The following CCDC152 variants were observed in gnomAD, a reference collection of about 807,000 sequenced individuals.
CCDC152 encodes coiled-coil domain-containing protein 152.
A neutral mutation model predicts 38.1 loss-of-function variants in CCDC152; 37 were observed. The observed-to-expected ratio is 0.97, with a 90% CI of 0.75 to 1.28. The LOEUF (loss-of-function observed/expected upper bound fraction) is 1.28, where lower values mean the gene tolerates loss of function less well. Ranked by LOEUF, CCDC152 falls within the 50% of genes most tolerant of loss-of-function variation. The probability of loss-of-function intolerance (pLI) is 0.00; values close to 1 mark genes in which losing one functional copy is unlikely to be tolerated. For synonymous variants in CCDC152, 83 were observed against 87.1 expected, an observed-to-expected ratio of 0.95 and a Z score of 0.26; for missense variants, 259 against 292.1, an observed-to-expected ratio of 0.89 and a Z score of 0.83.
intron 6 of CCDC152, among the ~76,000 whole-genome samples, chr5:42,796,525 C>T (rs1760077806): frequency 6.6e-6 from 1 of 152,158 alleles, no homozygotes; most frequent in Non-Finnish European, 1.5e-5. Context: ...TACCTAGAAA[C>T]TCAGGCTTTG....
At chr5:42,784,220 T>G (rs1271263224) in intron 6 of CCDC152, among the ~76,000 whole-genome samples, 1 of 152,152 alleles carries the variant, frequency 6.6e-6, no homozygotes, top group Non-Finnish European at 1.5e-5. Flanking sequence ...CAGTGCATTA[T>G]TGTTCCCTTT....
At chr5:42,781,884 C>T (rs1759851861) in intron 5 of CCDC152, among the ~76,000 whole-genome samples, 1 of 152,130 alleles carries the variant, frequency 6.6e-6, no homozygotes, top group South Asian at 2.1e-4. Flanking sequence ...TTCCTGCTTT[C>T]CTTTTCTCTT....
At chr5:42,772,021 A>G (rs1398341866) in intron 4 of CCDC152, among the ~76,000 whole-genome samples, 1 of 152,208 alleles carries the variant, frequency 6.6e-6, no homozygotes, top group Non-Finnish European at 1.5e-5. Context: ...ATAAAATACT[A>G]TCAAATAAAA....
chr5:42,793,744 G>A (rs2111595029), intron 6 of CCDC152, among the ~76,000 whole-genome samples: 1 of 152,214 alleles, frequency 6.6e-6, no homozygotes, highest in East Asian at 1.9e-4. Context: ...GAGTAGCTGG[G>A]CCCACAGGCA....
chr5:42,773,825 A>G (rs144980451), intron 4 of CCDC152, among the ~76,000 whole-genome samples: 85 of 152,336 alleles, frequency 5.6e-4, no homozygotes, highest in Non-Finnish European at 1.0e-3. Flanking sequence ...GATTTTGGAA[A>G]ATTAATTTAT....
Position 42,800,923 on chromosome 5 carries a change from C to T in CCDC152, c.*1142C>T. 1 of 1,614,226 alleles carries T rather than the reference C, an allele frequency of 6.2e-7. No homozygotes were observed. The highest frequency in any genetic ancestry group is 1.1e-5 in the South Asian group (1 of 91,090). ...TTTTCTTTACACTGTCAGGTGATTG[C>T]AGACCCTGTTTTTTCAAATATCAGA... On this transcript the variant is annotated 3_prime_UTR_variant, in exon 9 of 9. Coordinates refer to ENST00000361970, the MANE Select transcript of CCDC152 (RefSeq NM_001134848.2).
rs1224410479 is a variant in CCDC152 at position 42,759,190 on chromosome 5, C to T, written c.69C>T (p.Asp23=). ...TGAATCTTGACAAACTTATAAATGACTTCTCACAGATAGAAAAGGTATGTA... is the reference window on the plus strand; with the variant it reads ...TGAATCTTGACAAACTTATAAATGATTTCTCACAGATAGAAAAGGTATGTA... The part of the protein sequence containing the change: ...SSVNLDKLIN[D]FSQIEKKMVE... Residue 23 remains aspartate, a synonymous_variant, in exon 2 of 9, where the codon GAC becomes GAT. Transcript: ENST00000361970. The T allele has an allele frequency of 2.6e-6, 4 of 1,546,734 alleles. No homozygotes were observed. Among genetic ancestry groups the T allele is most frequent in the Non-Finnish European group, 3.5e-6 (4 of 1,142,974 alleles).
chr5:42,772,318 A>G (rs1323843709), intron 4 of CCDC152, among the ~76,000 whole-genome samples: 1 of 152,238 alleles, frequency 6.6e-6, no homozygotes, highest in East Asian at 1.9e-4. Flanking sequence ...GCCATAGATG[A>G]AAAGCTCACA....
In CCDC152 at chr5:42,800,077, C is replaced by G; in HGVS notation, c.*296C>G. 3.9e-6 allele frequency: 1 copy of G among 254,096 alleles called. No individual in the cohort carries two copies. The highest frequency in any genetic ancestry group is 7.4e-6 in the Non-Finnish European group (1 of 135,258). 15.7% of individuals were successfully genotyped at this position (254,096 alleles called of 1,614,324 possible). A position where few individuals can be genotyped will look rare whatever the true frequency, so the allele number is the denominator to read the frequency against. ...GACAATATTATCTTTCCCCTTATATCTTTTAAGACAGCCACTCAAGTTTTA... is the reference window on the plus strand; with the variant it reads ...GACAATATTATCTTTCCCCTTATATGTTTTAAGACAGCCACTCAAGTTTTA... On this transcript the variant is annotated 3_prime_UTR_variant, in exon 9 of 9. Transcript: ENST00000361970.
In CCDC152 at chr5:42,801,406, G is replaced by T; in HGVS notation, c.*1625G>T. ...TAATGCGTGAAAAATGATTTGTAGA[G>T]CTAACATGTGAAATTCCAACTAGTT... On this transcript the variant is annotated 3_prime_UTR_variant, in exon 9 of 9. Coordinates refer to ENST00000361970, the MANE Select transcript of CCDC152 (RefSeq NM_001134848.2). 8.8e-7 allele frequency: 1 copy of T among 1,133,098 alleles called. No individual in the cohort carries two copies. The highest frequency in any genetic ancestry group is 1.3e-6 in the Non-Finnish European group (1 of 799,408). The allele number at this position is 1,133,098 out of a possible 1,614,324, so 70.2% of individuals were successfully genotyped here.
chr5:42,762,409 T>C (rs1759564422), intron 2 of CCDC152, 34 bp from the exon 3 acceptor site: 9 of 1,124,504 alleles, frequency 8.0e-6, no homozygotes, highest in Non-Finnish European at 1.2e-5. Context: ...GCAGCATTGA[T>C]TTGTTAATAA....
chr5:42,773,421 G>A (rs748588212), intron 4 of CCDC152, among the ~76,000 whole-genome samples: 2 of 152,012 alleles, frequency 1.3e-5, no homozygotes, highest in Non-Finnish European at 2.9e-5. Flanking sequence ...CTATCTATAA[G>A]TTAATTATAT....
At chr5:42,774,897 A>G (rs1353150072) in intron 4 of CCDC152, among the ~76,000 whole-genome samples, 1 of 152,134 alleles carries the variant, frequency 6.6e-6, no homozygotes, top group Non-Finnish European at 1.5e-5. Context: ...TGTAACACAA[A>G]TGAAGAATGC....
chr5:42,787,511 G>A (rs1483913640), intron 6 of CCDC152, among the ~76,000 whole-genome samples: 1 of 151,426 alleles, frequency 6.6e-6, no homozygotes, highest in Non-Finnish European at 1.5e-5. Flanking sequence ...CACTACTATT[G>A]TACAGCTGTC....
At position 42,800,658 on chromosome 5, in the gene CCDC152, A is replaced by T. The variant is rs1156500172; in HGVS notation, c.*877A>T. ...TTGGTTCACTAATTTGGTAGTTTAT[A>T]AAAATGCTGGAAATGAAATTGTGTC... On this transcript the variant is annotated 3_prime_UTR_variant, in exon 9 of 9. Transcript: ENST00000361970. The T allele has an allele frequency of 6.7e-7, 1 of 1,502,744 alleles. No homozygotes were observed. Among genetic ancestry groups the T allele is most frequent in the African/African-American group, 1.4e-5 (1 of 71,570 alleles). The allele number at this position is 1,502,744 out of a possible 1,614,324, so 93.1% of individuals were successfully genotyped here.
intron 3 of CCDC152, among the ~76,000 whole-genome samples, chr5:42,768,361 T>C (rs1335665816): frequency 2.2e-5 from 3 of 136,770 alleles, no homozygotes; most frequent in Non-Finnish European, 3.2e-5. Flanking sequence ...TCCTAAACAG[T>C]AGGAATCAAT....
At chr5:42,781,551 G>GCACACACA (rs753951581) in intron 5 of CCDC152, among the ~76,000 whole-genome samples, 1 of 147,494 alleles carries the variant, frequency 6.8e-6, no homozygotes, top group African/African-American at 2.5e-5. Context: ...AAATGCGCGC[G>GCACACACA]CGCGCACACA....
intron 5 of CCDC152, among the ~76,000 whole-genome samples, chr5:42,780,806 T>C (rs886813204): frequency 6.6e-6 from 1 of 152,186 alleles, no homozygotes; most frequent in African/African-American, 2.4e-5. Flanking sequence ...ATTTTGCAAC[T>C]TGTATAGAGA....
intron 6 of CCDC152, among the ~76,000 whole-genome samples, chr5:42,794,986 A>G (rs4866963): frequency 0.26 from 39,430 of 152,094 alleles, 5,703 homozygotes; most frequent in Admixed American, 0.38. Context: ...CTAAATGAAG[A>G]TGAGAAAAAA....
Sources: gnomAD v4.1 joint callset for allele counts (sites outside exome capture counted in the v4.1 genomes callset) on GRCh38, gnomAD v4.1.1 for gene constraint, MANE v1.5 for transcripts, NCBI Gene and HGNC (gene_info 2026-07-23, HGNC 2026-07-21) for gene names.